RXFP1: variants seen among roughly 807,000 people sequenced by gnomAD.
RXFP1 encodes the protein relaxin family peptide receptor 1.
RXFP1 carries 73 observed loss-of-function variants against 89.8 expected under a neutral mutation model. The ratio of observed to expected loss-of-function variants is 0.81; its 90% CI spans 0.67 to 0.99. RXFP1 has a LOEUF of 0.99. Among genes scored for constraint, RXFP1 ranks in the 50% least tolerant of loss-of-function variants. RXFP1 has a pLI of 0.00. For synonymous variants in RXFP1, 277 were observed against 305.5 expected, an observed-to-expected ratio of 0.91 and a Z score of 0.97; for missense variants, 793 against 895.5, an observed-to-expected ratio of 0.89 and a Z score of 1.46.
At chr4:158,644,823 C>A (rs1771200052) in intron 14 of RXFP1, 86 bp from the exon 15 acceptor site, 4 of 896,752 alleles carry the variant, frequency 4.5e-6, no homozygotes, top group Admixed American at 2.4e-5. Context: ...TTTCTTTCTA[C>A]CGATAAAATG....
At chr4:158,568,862 A>T (rs761234189) in intron 1 of RXFP1, among the ~76,000 whole-genome samples, 1 of 152,166 alleles carries the variant, frequency 6.6e-6, no homozygotes, top group Non-Finnish European at 1.5e-5. Flanking sequence ...TTATTTTTTC[A>T]TGCTTTGATC....
At chr4:158,593,536 T>C (rs1295380448) in intron 3 of RXFP1, 37 bp downstream of exon 3, 1 of 1,091,204 alleles carries the variant, frequency 9.2e-7, no homozygotes. Flanking sequence ...TTTCCATGAG[T>C]TCATAAGACA....
intron 2 of RXFP1, chr4:158,573,116 C>A (rs1049792984): frequency 2.1e-5 from 5 of 239,788 alleles, no homozygotes; most frequent in Admixed American, 1.5e-4. Context: ...TCAAGTGATT[C>A]TCCTGCCTCA....
Position 158,632,817 on chromosome 4 carries a change from G to A in RXFP1, c.900-588G>A, listed in dbSNP as rs968944702. 8.5e-5 allele frequency among the ~76,000 whole-genome samples: 13 copies of A among 152,200 alleles called. No homozygotes were observed. In the East Asian group the frequency reaches 2.5e-3, roughly 29 times the overall value. ...GCATCTATTCTAACACACAAAAAAAGAGAACAAAGGAAGAAGGGGCACAAC... is the reference window on the plus strand; with the variant it reads ...GCATCTATTCTAACACACAAAAAAAAAGAACAAAGGAAGAAGGGGCACAAC... On this transcript the variant is annotated intron_variant, in intron 11 of 17. Transcript: ENST00000307765.
intron 1 of RXFP1, among the ~76,000 whole-genome samples, chr4:158,554,941 A>G (rs1750966246): frequency 6.6e-6 from 1 of 152,164 alleles, no homozygotes; most frequent in South Asian, 2.1e-4. Context: ...CATGTTGTAA[A>G]GCTTAAATAA....
At chr4:158,546,748 C>A (rs1341179972) in intron 1 of RXFP1, among the ~76,000 whole-genome samples, 1 of 151,924 alleles carries the variant, frequency 6.6e-6, no homozygotes, top group Non-Finnish European at 1.5e-5. Flanking sequence ...TGCTGGATTA[C>A]GTTTATTGAT....
At chr4:158,552,429 G>A (rs564669269) in intron 1 of RXFP1, among the ~76,000 whole-genome samples, 18 of 152,190 alleles carry the variant, frequency 1.2e-4, no homozygotes, top group Non-Finnish European at 1.9e-4. Flanking sequence ...ATGTGAACTC[G>A]TGATTATGAC....
At chr4:158,593,314 C>G (rs11938976) in intron 2 of RXFP1, 87 bp from the exon 3 acceptor site, 99,990 of 661,960 alleles carry the variant, frequency 0.15, 10,961 homozygotes, top group African/African-American at 0.45. Context: ...AACCACTGGA[C>G]TGTTTTAAAG....
At chr4:158,598,403 G>T (rs981519909) in intron 3 of RXFP1, among the ~76,000 whole-genome samples, 2 of 152,092 alleles carry the variant, frequency 1.3e-5, no homozygotes, top group East Asian at 3.9e-4. Context: ...TTGCCTGACC[G>T]CTGGAGACAC....
At chr4:158,535,513 C>A (rs1745082081) in intron 1 of RXFP1, among the ~76,000 whole-genome samples, 1 of 150,846 alleles carries the variant, frequency 6.6e-6, no homozygotes, top group Admixed American at 6.6e-5. Context: ...AAGGAAGTAA[C>A]TCAGGCAAAT....
At chr4:158,643,457 A>G (rs1770788594) in intron 14 of RXFP1, among the ~76,000 whole-genome samples, 1 of 143,194 alleles carries the variant, frequency 7.0e-6, no homozygotes, top group Non-Finnish European at 1.5e-5. Context: ...GGATTCCTGG[A>G]TCATATGCTA....
At chr4:158,650,450 T>TATAA (rs1554027234) in intron 17 of RXFP1, among the ~76,000 whole-genome samples, 5 of 149,588 alleles carry the variant, frequency 3.3e-5, no homozygotes, top group East Asian at 1.9e-4. Flanking sequence ...TATATATATA[T>TATAA]AATGCAGTTT....
chr4:158,585,409 C>A (rs908311781), intron 2 of RXFP1, among the ~76,000 whole-genome samples: 1 of 152,138 alleles, frequency 6.6e-6, no homozygotes, highest in African/African-American at 2.4e-5. Flanking sequence ...AGTTTCCTGT[C>A]CCCAATCAAA....
intron 1 of RXFP1, among the ~76,000 whole-genome samples, chr4:158,541,493 A>G (rs1746623120): frequency 6.6e-6 from 1 of 152,130 alleles, no homozygotes; most frequent in African/African-American, 2.4e-5. Context: ...AAAACTTGGA[A>G]ACTATTTCAG....
chr4:158,525,063 G>C (rs980485266), intron 1 of RXFP1, among the ~76,000 whole-genome samples: 1 of 152,110 alleles, frequency 6.6e-6, no homozygotes, highest in Non-Finnish European at 1.5e-5. Flanking sequence ...CTATGAAGAA[G>C]AGAAAAGGAA....
chr4:158,618,832 C>T (rs1765078474), intron 9 of RXFP1, among the ~76,000 whole-genome samples: 1 of 151,666 alleles, frequency 6.6e-6, no homozygotes, highest in South Asian at 2.1e-4. Context: ...ACTGTAAATG[C>T]CACAATAAAA....
chr4:158,549,427 G>T (rs936294824), intron 1 of RXFP1, among the ~76,000 whole-genome samples: 2 of 151,908 alleles, frequency 1.3e-5, no homozygotes, highest in African/African-American at 4.8e-5. Context: ...TAGTCTGATC[G>T]TCTGAAGCCT....
intron 2 of RXFP1, among the ~76,000 whole-genome samples, chr4:158,579,838 C>G (rs1756975641): frequency 6.6e-6 from 1 of 152,206 alleles, no homozygotes; most frequent in South Asian, 2.1e-4. Context: ...TGTTCACTTG[C>G]AGTTCTGGGT....
intron 1 of RXFP1, among the ~76,000 whole-genome samples, chr4:158,545,857 GTAGTA>G (rs1748203027): frequency 6.6e-6 from 1 of 152,198 alleles, no homozygotes; most frequent in Admixed American, 6.5e-5. Context: ...CTGTAGCCTT[GTAGTA>G]TAGTTTGAAG....
Sources: allele counts gnomAD v4.1 joint callset (sites outside exome capture counted in the v4.1 genomes callset), GRCh38; gene constraint gnomAD v4.1.1; transcripts MANE v1.5; gene names NCBI Gene and HGNC (gene_info 2026-07-23, HGNC 2026-07-21).